Variants in NAV2 observed in about 807,000 individuals in gnomAD.
NAV2 encodes helicase, APC down-regulated 1.
In NAV2, 54 loss-of-function variants were observed where a neutral mutation model predicts 223.2. The ratio of observed to expected loss-of-function variants is 0.24; its 90% CI spans 0.19 to 0.30. The LOEUF (loss-of-function observed/expected upper bound fraction) is 0.30. NAV2 is among the 10% of genes least tolerant of loss of function. NAV2 has a pLI of 1.00. For missense variants in NAV2, 2,806 were observed against 3,147.5 expected, an observed-to-expected ratio of 0.89 and a Z score of 2.60; for synonymous variants, 1,279 against 1,239.3, an observed-to-expected ratio of 1.03 and a Z score of -0.67.
intron 1 of NAV2, among the ~76,000 whole-genome samples, chr11:19,471,337 A>G (rs991424189): frequency 5.3e-5 from 8 of 152,218 alleles, no homozygotes; most frequent in African/African-American, 1.9e-4. Context: ...TGAGGTGAGA[A>G]CACGCTTATA....
chr11:19,856,301 C>A (rs1031269360), intron 3 of NAV2, among the ~76,000 whole-genome samples: 1 of 152,208 alleles, frequency 6.6e-6, no homozygotes, highest in African/African-American at 2.4e-5. Flanking sequence ...GTGGCTATGG[C>A]AGCAGGCAGT....
rs1468214534 is a variant in NAV2, at chr11:19,946,503, C to T, written c.2249C>T (p.Thr750Ile). ...TCCAGTTTAAGGGGAACTCAGGTTA[C>T]ACACAGGTATCTGCAGTGTGAATTA... ...TMSSLRGTQV[T>I]HSTLETTFDT... The change falls in exon 9 of 38, where the codon ACA becomes ATA. Residue 750 changes from threonine to isoleucine, a missense_variant. Around this residue, in one of 4 missense-constraint regions of NAV2, gnomAD observed 1,167 missense variants for 1,180.5 expected, o/e 0.99. Coordinates refer to ENST00000349880, the MANE Select transcript of NAV2 (RefSeq NM_145117.5). 6.2e-7 allele frequency: 1 copy of T among 1,612,450 alleles called. No homozygotes were observed. The highest frequency in any genetic ancestry group is 2.2e-5 in the East Asian group (1 of 44,846).
intron 1 of NAV2, among the ~76,000 whole-genome samples, chr11:19,831,243 T>TGGGGGGGGGGGGGGGGGGGGGGGG (rs1565392533): frequency 5.4e-4 from 1 of 1,856 alleles, no homozygotes; most frequent in Non-Finnish European, 1.0e-3. Context: ...GGGGGCGCGA[T>TGGGGGGGGGGGGGGGGGGGGGGGG]GGGGAGTGGG....
chr11:19,389,259 A>G (rs755555851), intron 1 of NAV2, among the ~76,000 whole-genome samples: 3 of 152,276 alleles, frequency 2.0e-5, no homozygotes, highest in African/African-American at 2.4e-5. Context: ...ATAAATAGCT[A>G]CTATGCACAA....
intron 6 of NAV2, among the ~76,000 whole-genome samples, chr11:19,915,305 T>A (rs2043707882): frequency 6.6e-6 from 1 of 152,196 alleles, no homozygotes; most frequent in Admixed American, 6.5e-5. Flanking sequence ...AGATGACTTG[T>A]GTTGAGAAGA....
chr11:19,727,878 T>C (rs1229713358), intron 1 of NAV2, among the ~76,000 whole-genome samples: 4 of 152,216 alleles, frequency 2.6e-5, no homozygotes, highest in African/African-American at 9.6e-5. Context: ...CTCCAGAGTC[T>C]GCACGAGGAA....
At chr11:19,406,186 C>T (rs1283382192) in intron 1 of NAV2, among the ~76,000 whole-genome samples, 3 of 152,144 alleles carry the variant, frequency 2.0e-5, no homozygotes, top group African/African-American at 7.2e-5. Context: ...CTTGTGCCAC[C>T]TGGTAGCCTG....
At chr11:19,528,599 G>C (rs1197907435) in intron 1 of NAV2, among the ~76,000 whole-genome samples, 4 of 151,610 alleles carry the variant, frequency 2.6e-5, no homozygotes. Context: ...CCTTCAGGCT[G>C]CCAAGTAAAA....
chr11:19,615,418 C>T (rs939547906), intron 1 of NAV2, among the ~76,000 whole-genome samples: 9 of 151,942 alleles, frequency 5.9e-5, no homozygotes, highest in East Asian at 3.9e-4. Flanking sequence ...GTAAGTTATA[C>T]GTAATGTCTT....
intron 8 of NAV2, among the ~76,000 whole-genome samples, chr11:19,942,583 C>T (rs191299563): frequency 7.5e-4 from 114 of 152,306 alleles, no homozygotes; most frequent in Middle Eastern, 3.4e-3. Flanking sequence ...TTTCCTACAA[C>T]CCCATACTGA....
intron 31 of NAV2, among the ~76,000 whole-genome samples, chr11:20,100,307 G>C (rs1303403592): frequency 6.6e-6 from 1 of 152,162 alleles, no homozygotes; most frequent in African/African-American, 2.4e-5. Flanking sequence ...AAGAGTCCCA[G>C]CTAACAACAT....
intron 11 of NAV2, among the ~76,000 whole-genome samples, chr11:20,025,015 A>G (rs1017315074): frequency 8.5e-5 from 13 of 152,202 alleles, no homozygotes; most frequent in Non-Finnish European, 1.5e-5. Context: ...ACCATGATCT[A>G]TTTAGATGCA....
At chr11:19,547,369 AAC>A (rs2044534937) in intron 1 of NAV2, among the ~76,000 whole-genome samples, 1 of 152,202 alleles carries the variant, frequency 6.6e-6, no homozygotes, top group Non-Finnish European at 1.5e-5. Context: ...TTAACTATGA[AAC>A]ACAAAACTGC....
chr11:19,614,051 GA>G (rs1303752551), intron 1 of NAV2, among the ~76,000 whole-genome samples: 1 of 152,180 alleles, frequency 6.6e-6, no homozygotes, highest in East Asian at 1.9e-4. Flanking sequence ...CCCCTTTCAT[GA>G]AAAAGCTTTC....
chr11:19,713,950 G>A lies in NAV2; in HGVS notation c.255G>A (p.Gly85=). ...PLRKSGSVEN[G]FDTQIYTDWA... is the part of the protein sequence containing the mutation. ...GGAAGAGCGGCTCGGTGGAAAACGG[G>A]TTCGATACCCAGGTGAGAGATGCCG... Residue 85 remains glycine, a synonymous_variant, in exon 1 of 38, where the codon GGG becomes GGA. Coordinates refer to ENST00000349880, the MANE Select transcript of NAV2 (RefSeq NM_145117.5). This position sits in a 1 kb window ranked among gnomAD's most constrained non-coding sequence, Gnocchi z 7.2. 6.2e-7 allele frequency: 1 copy of A among 1,613,232 alleles called. No homozygotes were observed. Among genetic ancestry groups the A allele is most frequent in the South Asian group, 1.1e-5 (1 of 91,064 alleles).
intron 1 of NAV2, among the ~76,000 whole-genome samples, chr11:19,597,084 G>C (rs1463616144): frequency 6.6e-6 from 1 of 152,142 alleles, no homozygotes; most frequent in African/African-American, 2.4e-5. Flanking sequence ...TCCAACTCTG[G>C]CTTCACTCTG....
At chr11:19,901,855 T>G (rs2042472796) in intron 6 of NAV2, among the ~76,000 whole-genome samples, 2 of 152,220 alleles carry the variant, frequency 1.3e-5, no homozygotes, top group East Asian at 3.8e-4. Context: ...ACATTTTCAT[T>G]GCTGTCTTGT....
intron 16 of NAV2, among the ~76,000 whole-genome samples, 160 bp from the exon 17 acceptor site, chr11:20,051,129 G>A (rs567828145): frequency 8.5e-5 from 13 of 152,334 alleles, no homozygotes; most frequent in South Asian, 4.1e-4. Context: ...TGTTTTCCAC[G>A]GATGTGGATG....
intron 1 of NAV2, among the ~76,000 whole-genome samples, chr11:19,365,891 G>A (rs553368185): frequency 1.3e-5 from 2 of 152,332 alleles, no homozygotes; most frequent in Admixed American, 6.5e-5. Flanking sequence ...TCTGGACAAA[G>A]CCTTGTGCTT....
Sources: allele counts gnomAD v4.1 joint callset (sites outside exome capture counted in the v4.1 genomes callset), GRCh38; gene constraint gnomAD v4.1.1; regional missense constraint gnomAD v4.1.1; non-coding constraint Gnocchi (gnomAD v3.1); transcripts MANE v1.5; gene names NCBI Gene and HGNC (gene_info 2026-07-23, HGNC 2026-07-21).